Variants in NEXMIF observed in about 807,000 individuals in gnomAD.
NEXMIF encodes the protein XLMR protein related to neurite extension.
In NEXMIF, 8 loss-of-function variants were observed where a neutral mutation model predicts 62.1. That is an observed-to-expected ratio of 0.13 (90% confidence interval 0.08 to 0.23). The LOEUF (loss-of-function observed/expected upper bound fraction) is 0.23, where lower values mean the gene tolerates loss of function less well. NEXMIF is among the 10% of genes least tolerant of loss of function. The pLI is 1.00. For missense variants in NEXMIF, 976 were observed against 1,113.3 expected (o/e 0.88, Z 1.75); for synonymous variants, 404 against 416.6 (o/e 0.97, Z 0.37).
chrX:74,796,765 T>A (rs1321251726), intron 1 of NEXMIF, among the ~76,000 whole-genome samples: 1 of 111,011 alleles, frequency 9.0e-6, no homozygotes, highest in Admixed American at 9.6e-5. Context: ...AAATAAATGA[T>A]CAAATAAATG....
At chrX:74,876,563 G>C (rs1400755290) in intron 1 of NEXMIF, among the ~76,000 whole-genome samples, 1 of 104,588 alleles carries the variant, frequency 9.6e-6, no homozygotes, top group African/African-American at 3.5e-5. Flanking sequence ...TTTCTGTCTC[G>C]TTGATCTGTC....
At chrX:74,850,176 A>G (rs995345515) in intron 1 of NEXMIF, among the ~76,000 whole-genome samples, 1 of 111,426 alleles carries the variant, frequency 9.0e-6, no homozygotes, top group Non-Finnish European at 1.9e-5. Flanking sequence ...CTGAGGACAG[A>G]CCCACCCAAC....
At chrX:74,888,309 AC>A (rs1475665574) in intron 1 of NEXMIF, among the ~76,000 whole-genome samples, 1 of 105,920 alleles carries the variant, frequency 9.4e-6, no homozygotes, top group Non-Finnish European at 1.9e-5. Flanking sequence ...AAACAAACAA[AC>A]AAAAAAAAAA....
chrX:74,909,606 G>A (rs1330190701), intron 1 of NEXMIF, among the ~76,000 whole-genome samples: 2 of 112,116 alleles, frequency 1.8e-5, no homozygotes, highest in South Asian at 3.7e-4. Flanking sequence ...CAAGCTGGCT[G>A]CAGAAATTTG....
intron 1 of NEXMIF, among the ~76,000 whole-genome samples, chrX:74,871,367 A>C (rs1484379582): frequency 9.0e-6 from 1 of 111,311 alleles, no homozygotes. Context: ...AAGGGCAATA[A>C]AAGATCAAAA....
intron 1 of NEXMIF, among the ~76,000 whole-genome samples, chrX:74,830,158 T>A (rs2080431337): frequency 1.8e-5 from 2 of 112,091 alleles, no homozygotes; most frequent in South Asian, 7.4e-4. Flanking sequence ...TCCAATGTTT[T>A]CTTGTAGTAG....
chrX:74,882,233 G>C (rs2080667633), intron 1 of NEXMIF, among the ~76,000 whole-genome samples: 1 of 112,145 alleles, frequency 8.9e-6, no homozygotes, highest in African/African-American at 3.2e-5. Context: ...CGCAGAAGAT[G>C]GGTGATTTCT....
chrX:74,861,274 A>T (rs2080556619), intron 1 of NEXMIF, among the ~76,000 whole-genome samples: 1 of 111,940 alleles, frequency 8.9e-6, no homozygotes, highest in Non-Finnish European at 1.9e-5. Flanking sequence ...CTGAAATAAG[A>T]CAGGCAGGCA....
Position 74,742,552 on chromosome X carries a change from C to T in NEXMIF, c.2005G>A (p.Gly669Arg). 8.3e-7 allele frequency: 1 copy of T among 1,209,435 alleles called. No homozygotes were observed. Among genetic ancestry groups the T allele is most frequent in the East Asian group, 3.0e-5 (1 of 33,782 alleles). ...GACTTCAGTGTACCTTTTAGGCCTC[C>T]ATCTTCTTTATGATTACTAGCGTGC... ...QRHASNHKED[G>R]GLKGTLKSAP... is the part of the protein sequence containing the mutation. Residue 669 changes from glycine to arginine, a missense_variant, in exon 3 of 4, where the codon GGA becomes AGA. By Grantham distance (125) the Gly-to-Arg change is moderately radical. Around this residue, in one of 5 missense-constraint regions of NEXMIF, gnomAD observed 639 missense variants for 694.5 expected, o/e 0.92. Coordinates refer to ENST00000055682, the MANE Select transcript of NEXMIF (RefSeq NM_001008537.3).
At chrX:74,747,969 T>G (rs778965395) in intron 1 of NEXMIF, among the ~76,000 whole-genome samples, 1 of 112,064 alleles carries the variant, frequency 8.9e-6, no homozygotes, top group Non-Finnish European at 1.9e-5. Flanking sequence ...GACATATTAG[T>G]GCTGCTGTAA....
chrX:74,887,847 AT>A (rs1476626570), intron 1 of NEXMIF, among the ~76,000 whole-genome samples: 2 of 111,949 alleles, frequency 1.8e-5, no homozygotes, highest in East Asian at 5.6e-4. Context: ...ACATGCACAC[AT>A]ATGTTTATTG....
At chrX:74,869,737 A>G (rs1358392191) in intron 1 of NEXMIF, among the ~76,000 whole-genome samples, 1 of 112,100 alleles carries the variant, frequency 8.9e-6, no homozygotes, top group Non-Finnish European at 1.9e-5. Flanking sequence ...ATAAAATTAA[A>G]TACCTAGGAA....
At chrX:74,881,294 C>A (rs767785856) in intron 1 of NEXMIF, among the ~76,000 whole-genome samples, 64 of 109,896 alleles carry the variant, frequency 5.8e-4, no homozygotes, top group Admixed American at 2.0e-4. Context: ...AAAGCACAAT[C>A]ATTTCTTCAT....
rs374045534 is a variant in NEXMIF at position 74,740,322 on chromosome X, C to T, written c.4235G>A (p.Arg1412His). The T allele has an allele frequency of 6.5e-5, 79 of 1,209,545 alleles. No homozygotes were observed. Among genetic ancestry groups the T allele is most frequent in the South Asian group, 1.9e-4 (11 of 56,793 alleles). ...NGKTAIGDPGRANMPGYNEDS... is the reference protein window; with the variant it reads ...NGKTAIGDPGHANMPGYNEDS... ...CTCGTTATAACCAGGCATGTTTGCA[C>T]GACCAGGATCACCTATTGCTGTTTT... Residue 1412 changes from arginine to histidine, a missense_variant, in exon 3 of 4, where the codon CGT becomes CAT. Arg to His is a conservative substitution (Grantham distance 29). Transcript: ENST00000055682.
chrX:74,911,607 T>C (rs1312551897), intron 1 of NEXMIF, among the ~76,000 whole-genome samples: 1 of 112,293 alleles, frequency 8.9e-6, no homozygotes, highest in African/African-American at 3.2e-5. Flanking sequence ...CTTTGGGTTA[T>C]AAAGCATGTT....
intron 1 of NEXMIF, among the ~76,000 whole-genome samples, chrX:74,757,282 C>T (rs113300532): frequency 0.036 from 4,049 of 112,105 alleles, 90 homozygotes; most frequent in Non-Finnish European, 0.056. Flanking sequence ...GAAAGTTCTA[C>T]TAGACAGCAC....
chrX:74,766,144 T>C (rs2080194342), intron 1 of NEXMIF, among the ~76,000 whole-genome samples: 1 of 110,629 alleles, frequency 9.0e-6, no homozygotes, highest in African/African-American at 3.3e-5. Flanking sequence ...TGACCTGCCC[T>C]TTATCTCTAG....
intron 1 of NEXMIF, among the ~76,000 whole-genome samples, chrX:74,863,956 C>T: frequency 8.9e-6 from 1 of 112,263 alleles, no homozygotes; most frequent in Middle Eastern, 4.6e-3. Flanking sequence ...GCTGGTTCAA[C>T]ATAAGCAAAT....
intron 1 of NEXMIF, among the ~76,000 whole-genome samples, chrX:74,862,747 T>A (rs2080562522): frequency 9.0e-6 from 1 of 111,414 alleles, no homozygotes; most frequent in African/African-American, 3.3e-5. Context: ...ACTGGGTAAA[T>A]AAAGAAATTA....
Sources: gnomAD v4.1 joint callset for allele counts (sites outside exome capture counted in the v4.1 genomes callset) on GRCh38, gnomAD v4.1.1 for gene constraint, gnomAD v4.1.1 regional missense constraint, MANE v1.5 for transcripts, NCBI Gene and HGNC (gene_info 2026-07-23, HGNC 2026-07-21) for gene names.